The following RAB30 variants were observed in gnomAD, a reference collection of about 807,000 sequenced individuals.
The protein encoded by RAB30 is RAB30, member RAS oncogene family.
RAB30 carries 9 observed loss-of-function variants against 25.1 expected under a neutral mutation model. That is an observed-to-expected ratio of 0.36 (90% CI 0.22 to 0.63). The LOEUF (loss-of-function observed/expected upper bound fraction) is 0.63, where lower values mean the gene tolerates loss of function less well. Ranked by LOEUF, RAB30 falls within the 20% of genes least tolerant of loss-of-function variation. The pLI, the probability that RAB30 is intolerant of heterozygous loss-of-function variation, is 0.69. For missense variants in RAB30, 140 were observed against 243.5 expected, an observed-to-expected ratio of 0.58 and a Z score of 2.83; for synonymous variants, 77 against 86.4, an observed-to-expected ratio of 0.89 and a Z score of 0.60.
chr11:83,059,458 C>A (rs750655069), intron 1 of RAB30, among the ~76,000 whole-genome samples: 5 of 152,156 alleles, frequency 3.3e-5, no homozygotes, highest in Admixed American at 6.5e-5. Flanking sequence ...CCTACTGATA[C>A]ACATTTAAGG....
At chr11:83,016,328 C>G (rs1191272673) in intron 1 of RAB30, among the ~76,000 whole-genome samples, 1 of 152,058 alleles carries the variant, frequency 6.6e-6, no homozygotes, top group Non-Finnish European at 1.5e-5. Context: ...AGAAAAGAAA[C>G]AGAGAAACTA....
At chr11:83,026,773 C>T (rs537224085) in intron 1 of RAB30, among the ~76,000 whole-genome samples, 1 of 151,350 alleles carries the variant, frequency 6.6e-6, no homozygotes, top group Non-Finnish European at 1.5e-5. Context: ...TTCACTTATT[C>T]CAAAAACCCC....
intron 1 of RAB30, among the ~76,000 whole-genome samples, chr11:83,014,472 G>A (rs780047156): frequency 6.6e-6 from 1 of 152,006 alleles, no homozygotes; most frequent in Non-Finnish European, 1.5e-5. Context: ...CTTGTGCCCA[G>A]GAGGTCAAGG....
intron 1 of RAB30, among the ~76,000 whole-genome samples, chr11:82,998,295 T>C (rs1565271493): frequency 6.6e-6 from 1 of 152,200 alleles, no homozygotes; most frequent in Non-Finnish European, 1.5e-5. Context: ...CCAACTGCGC[T>C]AGAAAGACTG....
At chr11:82,996,777 A>C (rs1369234206) in intron 2 of RAB30, among the ~76,000 whole-genome samples, 1 of 152,204 alleles carries the variant, frequency 6.6e-6, no homozygotes, top group African/African-American at 2.4e-5. Flanking sequence ...TGATTCACTC[A>C]AGTTTCCTGG....
At position 82,995,926 on chromosome 11, in the gene RAB30, C is replaced by T. The variant is rs144777640; in HGVS notation, c.93+1298G>A. 2.1e-3 allele frequency among the ~76,000 whole-genome samples: 316 copies of T among 152,298 alleles called. 1 individual carries two copies. The highest frequency in any genetic ancestry group is 7.2e-3 in the African/African-American group (298 of 41,568). On this transcript the variant is annotated intron_variant, in intron 2 of 4. Coordinates refer to ENST00000527633, the MANE Select transcript of RAB30 (RefSeq NM_001286060.2). ...TCTAAGTGACCTTTCAATACTAAGA[C>T]AAGGTCAAGGAAACTTTTGATAAAG...
intron 1 of RAB30, chr11:83,040,765 G>T (rs1287397682): frequency 6.5e-6 from 1 of 153,382 alleles, no homozygotes; most frequent in South Asian, 1.8e-4. Context: ...TTTATTGGTG[G>T]GCATTAGGAG....
At chr11:83,042,539 C>T (rs964918292) in intron 1 of RAB30, among the ~76,000 whole-genome samples, 4 of 151,912 alleles carry the variant, frequency 2.6e-5, no homozygotes, top group Admixed American at 6.6e-5. Context: ...GGCAACAGAG[C>T]GAGACTCCAT....
At position 82,982,130 on chromosome 11, in the gene RAB30, G is replaced by A; in HGVS notation, c.*35C>T. The A allele has an allele frequency of 6.2e-7, 1 of 1,612,764 alleles. No homozygotes were observed. Among genetic ancestry groups the A allele is most frequent in the Non-Finnish European group, 8.5e-7 (1 of 1,178,992 alleles). ...CAGCATCTCATGGCCCATCAGGGCA[G>A]TTGCTGATTCCTTTTCTTCTCCGTG... On this transcript the variant is annotated 3_prime_UTR_variant, in exon 5 of 5. Coordinates refer to ENST00000527633, the MANE Select transcript of RAB30 (RefSeq NM_001286060.2).
At chr11:83,001,403 C>T (rs558499904) in intron 1 of RAB30, among the ~76,000 whole-genome samples, 14 of 152,126 alleles carry the variant, frequency 9.2e-5, no homozygotes, top group Non-Finnish European at 2.1e-4. Context: ...TTGTCCTGAA[C>T]TCCTGGCCTC....
At chr11:83,053,377 A>C (rs1185407099) in intron 1 of RAB30, among the ~76,000 whole-genome samples, 1 of 152,216 alleles carries the variant, frequency 6.6e-6, no homozygotes, top group African/African-American at 2.4e-5. Flanking sequence ...TTAGTGCCTA[A>C]CTTTTGCCCC....
intron 1 of RAB30, among the ~76,000 whole-genome samples, chr11:83,052,615 G>A (rs1353388672): frequency 6.6e-6 from 1 of 152,222 alleles, no homozygotes. Flanking sequence ...AAGACACTGT[G>A]CCCACAGGGG....
intron 1 of RAB30, among the ~76,000 whole-genome samples, chr11:83,062,747 T>C (rs1250884581): frequency 6.6e-6 from 1 of 152,120 alleles, no homozygotes; most frequent in East Asian, 1.9e-4. Flanking sequence ...ACACCTGTAA[T>C]CCCAGCACTT....
intron 1 of RAB30, among the ~76,000 whole-genome samples, chr11:83,025,855 T>C (rs1346364588): frequency 6.6e-6 from 1 of 152,070 alleles, no homozygotes; most frequent in Non-Finnish European, 1.5e-5. Flanking sequence ...ATAAAATATA[T>C]ACATAGGTAT....
At chr11:83,060,400 A>G (rs1324339973) in intron 1 of RAB30, among the ~76,000 whole-genome samples, 1 of 152,208 alleles carries the variant, frequency 6.6e-6, no homozygotes, top group Non-Finnish European at 1.5e-5. Context: ...CAATCTCAAG[A>G]TATCACCTCA....
Position 82,987,512 on chromosome 11 carries a change from A to G in RAB30, c.361+75T>C, listed in dbSNP as rs959115288. Reference sequence around the variant, plus strand: ...AAGACTATATTCTTGGAAGGCACCAATGTATAAGCTTTATGTGATTATAAA... The same window carrying G: ...AAGACTATATTCTTGGAAGGCACCAGTGTATAAGCTTTATGTGATTATAAA... On this transcript the variant is annotated intron_variant, in intron 4 of 4. Transcript: ENST00000527633. 20 of 1,371,866 alleles carry G rather than the reference A, an allele frequency of 1.5e-5. 1 individual carries two copies. The highest frequency in any genetic ancestry group is 2.3e-4 in the Middle Eastern group (1 of 4,326). The allele number at this position is 1,371,866 out of a possible 1,614,324, so 85.0% of individuals were successfully genotyped here.
In RAB30 at chr11:82,981,028, G is replaced by T. The variant is rs982139718; in HGVS notation, c.*1137C>A. 1 of 152,158 alleles carries T rather than the reference G, an allele frequency of 6.6e-6. No homozygotes were observed. Among genetic ancestry groups the T allele is most frequent in the Non-Finnish European group, 1.5e-5 (1 of 68,028 alleles). 9.4% of individuals were successfully genotyped at this position (152,158 alleles called of 1,614,324 possible). Reference sequence around the variant, plus strand: ...ATCATCGAAGATATAAAAATGGGTCGTGAGACTTTTCATCTGTTGCTATTC... The same window carrying T: ...ATCATCGAAGATATAAAAATGGGTCTTGAGACTTTTCATCTGTTGCTATTC... On this transcript the variant is annotated 3_prime_UTR_variant, in exon 5 of 5. Transcript: ENST00000527633.
At chr11:83,002,833 CT>C (rs1467835850) in intron 1 of RAB30, among the ~76,000 whole-genome samples, 1 of 152,200 alleles carries the variant, frequency 6.6e-6, no homozygotes, top group Non-Finnish European at 1.5e-5. Flanking sequence ...CCTGTATTCA[CT>C]GTTGCACACC....
chr11:83,032,115 A>G (rs1399149968), intron 1 of RAB30, among the ~76,000 whole-genome samples: 2 of 150,842 alleles, frequency 1.3e-5, no homozygotes, highest in African/African-American at 5.0e-5. Flanking sequence ...CTACAACCCT[A>G]TCAGATGTCT....
Sources: allele counts gnomAD v4.1 joint callset (sites outside exome capture counted in the v4.1 genomes callset), GRCh38; gene constraint gnomAD v4.1.1; transcripts MANE v1.5; gene names NCBI Gene and HGNC (gene_info 2026-07-23, HGNC 2026-07-21).